Variants in NUP98 observed in about 807,000 individuals in gnomAD.
The protein encoded by NUP98 is nucleoporin 98 and 96 precursor, also known as nuclear pore complex protein Nup98-Nup96.
In NUP98, 26 loss-of-function variants were observed where a neutral mutation model predicts 191.9. The observed-to-expected ratio is 0.14, with a 90% confidence interval of 0.10 to 0.19. The LOEUF (loss-of-function observed/expected upper bound fraction) is 0.19. Among genes scored for constraint, NUP98 ranks in the 10% least tolerant of loss-of-function variants. The pLI, the probability that NUP98 is intolerant of heterozygous loss-of-function variation, is 1.00. For missense variants in NUP98, 1,941 were observed against 2,178.8 expected, an observed-to-expected ratio of 0.89 and a Z score of 2.17; for synonymous variants, 808 against 778.4, an observed-to-expected ratio of 1.04 and a Z score of -0.63.
At chr11:3,773,842 G>T in intron 5 of NUP98, 103 bp from the exon 6 acceptor site, 1 of 642,216 alleles carries the variant, frequency 1.6e-6, no homozygotes, top group Non-Finnish European at 2.7e-6. Flanking sequence ...GTCCCCCCAG[G>T]TCTTTTATAC....
intron 10 of NUP98, among the ~76,000 whole-genome samples, chr11:3,753,641 T>C (rs1403709915): frequency 1.3e-5 from 2 of 151,436 alleles, no homozygotes; most frequent in African/African-American, 4.8e-5. Context: ...CCATGCGCGG[T>C]GGCTCACGCC....
At chr11:3,714,863 T>C (rs2079129022) in intron 18 of NUP98, 1 of 152,322 alleles carries the variant, frequency 6.6e-6, no homozygotes, top group Non-Finnish European at 1.5e-5. Context: ...TTATTGCATG[T>C]ATATACCACA....
At chr11:3,735,165 T>C in intron 13 of NUP98, 26 bp downstream of exon 13, 2 of 1,533,168 alleles carry the variant, frequency 1.3e-6, no homozygotes, top group Non-Finnish European at 1.8e-6. Flanking sequence ...TGATATGATA[T>C]TTTACAGAAG....
chr11:3,792,296 T>C (rs2082383008), intron 1 of NUP98, among the ~76,000 whole-genome samples: 1 of 149,748 alleles, frequency 6.7e-6, no homozygotes, highest in Non-Finnish European at 1.5e-5. Context: ...AACAACTGTA[T>C]AATTAAATTT....
intron 12 of NUP98, among the ~76,000 whole-genome samples, chr11:3,742,962 T>C (rs2080339468): frequency 6.6e-6 from 1 of 152,166 alleles, no homozygotes; most frequent in Admixed American, 6.6e-5. Context: ...ACTCTGTTTA[T>C]GCCAGGTGAT....
At chr11:3,786,957 G>A (rs1670253804) in intron 1 of NUP98, among the ~76,000 whole-genome samples, 1 of 152,110 alleles carries the variant, frequency 6.6e-6, no homozygotes, top group South Asian at 2.1e-4. Flanking sequence ...CCAGCAAACA[G>A]CAAAAACAAT....
chr11:3,775,653 GAATACA>G (rs1564915341), intron 5 of NUP98, among the ~76,000 whole-genome samples: 1 of 151,936 alleles, frequency 6.6e-6, no homozygotes, highest in Non-Finnish European at 1.5e-5. Context: ...AAAGTTTTAT[GAATACA>G]AATTTTATTG....
intron 11 of NUP98, among the ~76,000 whole-genome samples, chr11:3,746,201 G>A (rs1231744816): frequency 6.9e-6 from 1 of 144,668 alleles, no homozygotes; most frequent in Non-Finnish European, 1.5e-5. Context: ...CCCGGGAGGT[G>A]GAGGTTGCGG....
intron 7 of NUP98, 118 bp downstream of exon 7, chr11:3,771,630 T>C: frequency 1.2e-6 from 1 of 837,054 alleles, no homozygotes; most frequent in Non-Finnish European, 1.9e-6. Context: ...TCCCTATTCC[T>C]ATGGTATCCC....
intron 8 of NUP98, among the ~76,000 whole-genome samples, 155 bp downstream of exon 8, chr11:3,768,426 A>C (rs1296154421): frequency 1.3e-5 from 2 of 152,012 alleles, no homozygotes; most frequent in African/African-American, 4.8e-5. Context: ...ATCTCAAAAA[A>C]AAAAAAAAAA....
At chr11:3,741,110 C>T (rs1447630199) in intron 12 of NUP98, among the ~76,000 whole-genome samples, 1 of 151,594 alleles carries the variant, frequency 6.6e-6, no homozygotes, top group Admixed American at 6.6e-5. Flanking sequence ...TCATGAGCCA[C>T]CATGCCCAGC....
chr11:3,750,369 T>C (rs2080701383), intron 11 of NUP98, among the ~76,000 whole-genome samples: 1 of 152,186 alleles, frequency 6.6e-6, no homozygotes, highest in Non-Finnish European at 1.5e-5. Flanking sequence ...GACCTGGCAT[T>C]ACAGGCATGA....
chr11:3,714,311 G>A (rs567838909), intron 18 of NUP98, among the ~76,000 whole-genome samples: 35 of 152,226 alleles, frequency 2.3e-4, no homozygotes, highest in African/African-American at 8.4e-4. Context: ...CCAGTGGTAC[G>A]AACCAAGTCT....
At chr11:3,774,130 T>C (rs1442088751) in intron 5 of NUP98, among the ~76,000 whole-genome samples, 2 of 152,100 alleles carry the variant, frequency 1.3e-5, no homozygotes, top group African/African-American at 4.8e-5. Flanking sequence ...CCAGGAGCGG[T>C]GGCTCACGCC....
chr11:3,773,956 A>G, intron 5 of NUP98, among the ~76,000 whole-genome samples: 1 of 152,214 alleles, frequency 6.6e-6, no homozygotes, highest in East Asian at 1.9e-4. Context: ...AGTAATCACA[A>G]ACGCAGGGAT....
intron 9 of NUP98, 61 bp downstream of exon 9, chr11:3,762,841 G>T: frequency 6.3e-7 from 1 of 1,577,592 alleles, no homozygotes; most frequent in Non-Finnish European, 8.6e-7. Context: ...ATCCTTAGAA[G>T]AAAATTCCTT....
At chr11:3,731,352 T>C (rs2079840506) in intron 14 of NUP98, 39 bp downstream of exon 14, 7 of 1,319,996 alleles carry the variant, frequency 5.3e-6, no homozygotes, top group Non-Finnish European at 7.2e-6. Context: ...TTTATATCAG[T>C]ATTTTACACT....
At chr11:3,765,755 C>T (rs1206442821) in intron 8 of NUP98, among the ~76,000 whole-genome samples, 6 of 148,312 alleles carry the variant, frequency 4.0e-5, no homozygotes, top group Admixed American at 3.4e-4. Flanking sequence ...GAGCCAAGAT[C>T]GTGCCACTGC....
At chr11:3,755,466 A>G (rs2080927063) in intron 10 of NUP98, among the ~76,000 whole-genome samples, 1 of 151,998 alleles carries the variant, frequency 6.6e-6, no homozygotes, top group South Asian at 2.1e-4. Flanking sequence ...CTCCGTCTCC[A>G]AAAGAAAAAA....
Sources: allele counts gnomAD v4.1 joint callset (sites outside exome capture counted in the v4.1 genomes callset), GRCh38; gene constraint gnomAD v4.1.1; transcripts MANE v1.5; gene names NCBI Gene and HGNC (gene_info 2026-07-23, HGNC 2026-07-21).